FNIP2: variants seen among roughly 807,000 people sequenced by gnomAD.
The protein encoded by FNIP2 is folliculin interacting protein 2, also known as folliculin-interacting protein 2.
In FNIP2, 32 loss-of-function variants were observed where a neutral mutation model predicts 108.7. That is an observed-to-expected ratio of 0.29 (90% CI 0.22 to 0.40). The LOEUF (loss-of-function observed/expected upper bound fraction) is 0.40, where lower values mean the gene tolerates loss of function less well. Among genes scored for constraint, FNIP2 ranks in the 10% least tolerant of loss-of-function variants. The pLI, the probability that FNIP2 is intolerant of heterozygous loss-of-function variation, is 1.00. For synonymous variants in FNIP2, 480 were observed against 496.7 expected, an observed-to-expected ratio of 0.97 and a Z score of 0.45; for missense variants, 1,202 against 1,381.6, an observed-to-expected ratio of 0.87 and a Z score of 2.06.
intron 1 of FNIP2, among the ~76,000 whole-genome samples, chr4:158,810,172 T>C (rs929102484): frequency 3.9e-5 from 6 of 152,230 alleles, no homozygotes; most frequent in Non-Finnish European, 7.3e-5. Context: ...TTTGTAGGAA[T>C]GGAAAGAATG....
Position 158,906,354 on chromosome 4 carries a change from T to G in FNIP2, c.*1810T>G, listed in dbSNP as rs1278125019. On this transcript the variant is annotated 3_prime_UTR_variant, in exon 17 of 17. Transcript: ENST00000264433. ...CCCCTCGTCTCTAGTTCCTTTTTTCTTGTTTACATGTTTTGGGCACTTTCC... is the reference window on the plus strand; with the variant it reads ...CCCCTCGTCTCTAGTTCCTTTTTTCGTGTTTACATGTTTTGGGCACTTTCC... 4 of 152,236 alleles carry G rather than the reference T, an allele frequency of 2.6e-5. No homozygotes were observed. Among genetic ancestry groups the G allele is most frequent in the African/African-American group, 9.6e-5 (4 of 41,460 alleles). The allele number at this position is 152,236 out of a possible 1,614,324, so 9.4% of individuals were successfully genotyped here. A position where few individuals can be genotyped will look rare whatever the true frequency, so the allele number is the denominator to read the frequency against.
chr4:158,803,833 G>A (rs1776844474), intron 1 of FNIP2, among the ~76,000 whole-genome samples: 1 of 152,226 alleles, frequency 6.6e-6, no homozygotes, highest in South Asian at 2.1e-4. Flanking sequence ...GGGAAAGGGA[G>A]AAATGGAGTG....
chr4:158,859,401 GTTA>G, intron 9 of FNIP2, 143 bp downstream of exon 9: 1 of 1,095,064 alleles, frequency 9.1e-7, no homozygotes, highest in South Asian at 1.6e-5. Context: ...GCATGTTGAT[GTTA>G]GTTACCAGAT....
rs35764068 is a variant in FNIP2, at chr4:158,860,857, A to G, written c.1149-485A>G. 4.7e-3 allele frequency among the ~76,000 whole-genome samples: 721 copies of G among 152,090 alleles called. 3 individuals are homozygous for G. In the Middle Eastern group the frequency reaches 0.051, roughly 11 times the overall value. On this transcript the variant is annotated intron_variant, in intron 10 of 16. Transcript: ENST00000264433. ...TTTTTAGTAGAGACGGGGTTTCACC[A>G]TATTGGCCAGAATGTTCTCTATCTC... is the stretch of plus-strand genomic sequence containing the variant.
chr4:158,800,884 G>A (rs1560761846), intron 1 of FNIP2, among the ~76,000 whole-genome samples: 1 of 152,252 alleles, frequency 6.6e-6, no homozygotes, highest in African/African-American at 2.4e-5. Context: ...GTTACTGGGT[G>A]CCTTCTCTCT....
rs183838723 is a variant in FNIP2, at chr4:158,883,429, G to A, written c.2950-8017G>A. ...GCTAATTTTTTGTATTTTTAGTAGA[G>A]ACGGGGTTTCACCGTGTTAGCCAGG... On this transcript the variant is annotated intron_variant, in intron 14 of 16. Transcript: ENST00000264433. 5.7e-3 allele frequency among the ~76,000 whole-genome samples: 874 copies of A among 152,188 alleles called. 10 individuals are homozygous for A. Among genetic ancestry groups the A allele is most frequent in the African/African-American group, 0.02 (822 of 41,534 alleles).
chr4:158,834,266 C>G (rs1352674154), intron 6 of FNIP2: 2 of 139,160 alleles, frequency 1.4e-5, no homozygotes, highest in Non-Finnish European at 3.0e-5. Flanking sequence ...TTAAAAGTCA[C>G]TCTAATAAGA....
intron 1 of FNIP2, among the ~76,000 whole-genome samples, chr4:158,780,746 A>C (rs1776014043): frequency 6.6e-6 from 1 of 152,216 alleles, no homozygotes; most frequent in African/African-American, 2.4e-5. Flanking sequence ...GAAAGTATGA[A>C]GTGTAGCTGA....
At chr4:158,818,635 T>C (rs1490732823) in intron 1 of FNIP2, among the ~76,000 whole-genome samples, 1 of 152,252 alleles carries the variant, frequency 6.6e-6, no homozygotes, top group Non-Finnish European at 1.5e-5. Flanking sequence ...TTATGTAATA[T>C]GTAGTGTAGC....
At chr4:158,788,772 G>T (rs1776306253) in intron 1 of FNIP2, among the ~76,000 whole-genome samples, 1 of 152,218 alleles carries the variant, frequency 6.6e-6, no homozygotes, top group Non-Finnish European at 1.5e-5. Flanking sequence ...TCTAATAACT[G>T]CTGTAGCCTC....
At chr4:158,791,163 C>T (rs1181922342) in intron 1 of FNIP2, among the ~76,000 whole-genome samples, 1 of 149,306 alleles carries the variant, frequency 6.7e-6, no homozygotes, top group Non-Finnish European at 1.5e-5. Flanking sequence ...TCTCCCTTAA[C>T]ATTTTCAGGC....
In FNIP2 at chr4:158,859,277, A is replaced by C; in HGVS notation, c.1059+19A>C. On this transcript the variant is annotated intron_variant, in intron 9 of 16. Transcript: ENST00000264433. ...TGAAAAGGTAATAAGGATGTAATCC[A>C]AAGTCAAATAGAGAAGTGATTGTGG... is the stretch of plus-strand genomic sequence containing the variant. The C allele has an allele frequency of 6.3e-7, 1 of 1,580,900 alleles. No homozygotes were observed. The highest frequency in any genetic ancestry group is 8.6e-7 in the Non-Finnish European group (1 of 1,161,092).
At chr4:158,771,307 C>T (rs1468611868) in intron 1 of FNIP2, among the ~76,000 whole-genome samples, 1 of 152,212 alleles carries the variant, frequency 6.6e-6, no homozygotes, top group East Asian at 1.9e-4. Flanking sequence ...AACAAACCAT[C>T]CTGTGCTCAC....
chr4:158,896,798 T>G (rs1230515947), intron 16 of FNIP2, among the ~76,000 whole-genome samples: 1 of 151,990 alleles, frequency 6.6e-6, no homozygotes, highest in African/African-American at 2.4e-5. Context: ...TTGCTTTTGT[T>G]TATATCTCTC....
chr4:158,882,265 C>T (rs1294900791), intron 14 of FNIP2, among the ~76,000 whole-genome samples: 5 of 152,104 alleles, frequency 3.3e-5, no homozygotes, highest in Non-Finnish European at 7.4e-5. Context: ...GCCCCTCCGC[C>T]TGGCAGCCAC....
At chr4:158,830,065 C>T (rs1778381905) in intron 3 of FNIP2, among the ~76,000 whole-genome samples, 1 of 152,016 alleles carries the variant, frequency 6.6e-6, no homozygotes, top group Non-Finnish European at 1.5e-5. Context: ...TTGAGAATCA[C>T]AGTTGGCATG....
chr4:158,777,850 T>C (rs953074932), intron 1 of FNIP2, among the ~76,000 whole-genome samples: 1 of 152,214 alleles, frequency 6.6e-6, no homozygotes, highest in Non-Finnish European at 1.5e-5. Context: ...ACATATCTGG[T>C]TAAAAGTTCA....
chr4:158,788,123 T>C (rs944548794), intron 1 of FNIP2, among the ~76,000 whole-genome samples: 1 of 152,198 alleles, frequency 6.6e-6, no homozygotes, highest in Non-Finnish European at 1.5e-5. Flanking sequence ...CTTTGGTATG[T>C]TGGGAATAAT....
At chr4:158,882,472 C>G (rs955515142) in intron 14 of FNIP2, among the ~76,000 whole-genome samples, 1 of 152,246 alleles carries the variant, frequency 6.6e-6, no homozygotes, top group Admixed American at 6.5e-5. Flanking sequence ...GCCCCTCTGC[C>G]TGGCCGCCAC....
Sources: allele counts gnomAD v4.1 joint callset (sites outside exome capture counted in the v4.1 genomes callset), GRCh38; gene constraint gnomAD v4.1.1; transcripts MANE v1.5; gene names NCBI Gene and HGNC (gene_info 2026-07-23, HGNC 2026-07-21).